The following XRCC3 variants were observed in gnomAD, a reference collection of about 807,000 sequenced individuals.
The protein encoded by XRCC3 is DNA repair protein XRCC3.
In XRCC3, 34 loss-of-function variants were observed where a neutral mutation model predicts 29.2. The ratio of observed to expected loss-of-function variants is 1.16; its 90% CI spans 0.88 to 1.55. The LOEUF (loss-of-function observed/expected upper bound fraction) is 1.55. XRCC3 is among the 40% of genes most tolerant of loss of function. The pLI, the probability that XRCC3 is intolerant of heterozygous loss-of-function variation, is 0.00. For synonymous variants in XRCC3, 223 were observed against 211.3 expected (o/e 1.06, Z -0.48); for missense variants, 463 against 467.6 (o/e 0.99, Z 0.09).
rs542685042 is a variant in XRCC3, at chr14:103,711,425, G to A, written c.-159+41C>T. 1.3e-5 allele frequency: 7 copies of A among 539,096 alleles called. No individual in the cohort carries two copies. In the East Asian group the frequency reaches 3.3e-4, roughly 25 times the overall value. 33.4% of individuals were successfully genotyped at this position (539,096 alleles called of 1,614,324 possible). On this transcript the variant is annotated intron_variant, in intron 3 of 9. Coordinates refer to ENST00000555055, the MANE Select transcript of XRCC3 (RefSeq NM_005432.4). ...CTCCTGTGGAAAGTGCTAGAAATAAGACCATCCTCCTGCAGCAGTTGAGTG... is the reference window on the plus strand; with the variant it reads ...CTCCTGTGGAAAGTGCTAGAAATAAAACCATCCTCCTGCAGCAGTTGAGTG...
chr14:103,711,502 C>G lies in XRCC3; in HGVS notation c.-195G>C. On this transcript the variant is annotated 5_prime_UTR_variant, in exon 3 of 10. Transcript: ENST00000555055. ...TTGGGGATGACCCGCGTGTTTTTGG[C>G]TGACTTGACTGAGGCATCTCTTGCA... 1 of 468,558 alleles carries G rather than the reference C, an allele frequency of 2.1e-6. No homozygotes were observed. Among genetic ancestry groups the G allele is most frequent in the South Asian group, 1.5e-5 (1 of 64,694 alleles). The allele number at this position is 468,558 out of a possible 1,614,324, so 29.0% of individuals were successfully genotyped here. A position where few individuals can be genotyped will look rare whatever the true frequency, so the allele number is the denominator to read the frequency against.
At chr14:103,709,684 G>A (rs1466364837) in intron 4 of XRCC3, 24 of 152,270 alleles carry the variant, frequency 1.6e-4, no homozygotes. Flanking sequence ...GACTCACCGG[G>A]ATCGGGGCTG....
rs376831498 is a variant in XRCC3 at position 103,699,460 on chromosome 14, C to T, written c.678G>A (p.Gln226=). The stretch of plus-strand genomic sequence containing the variant: ...GATGCCTGGCCCTGGGGGCGGAGGC[C>T]TGGCTGTCAAATTCACAGCGGAATG... ...AAPFRCEFDS[Q]ASAPRARHLQ... The change falls in exon 8 of 10, where the codon CAG becomes CAA. Residue 226 remains glutamine, a synonymous_variant. Coordinates refer to ENST00000555055, the MANE Select transcript of XRCC3 (RefSeq NM_005432.4). 6 of 1,612,950 alleles carry T rather than the reference C, an allele frequency of 3.7e-6. No individual in the cohort carries two copies. The highest frequency in any genetic ancestry group is 3.4e-6 in the Non-Finnish European group (4 of 1,179,974).
chr14:103,709,901 G>C lies in XRCC3; in HGVS notation c.55+1132C>G, dbSNP rs577452335. The C allele has an allele frequency of 2.6e-5, 4 of 152,380 alleles. No homozygotes were observed. In the South Asian group the frequency reaches 8.3e-4, roughly 32 times the overall value. The allele number at this position is 152,380 out of a possible 1,614,324, so 9.4% of individuals were successfully genotyped here. A position where few individuals can be genotyped will look rare whatever the true frequency, so the allele number is the denominator to read the frequency against. On this transcript the variant is annotated intron_variant, in intron 4 of 9. Coordinates refer to ENST00000555055, the MANE Select transcript of XRCC3 (RefSeq NM_005432.4). ...TGTGATCACAAGGCCACCAACAGGA[G>C]GATAAAAACCAACAGCCAAGGATGG...
chr14:103,701,053 C>A, intron 7 of XRCC3: 1 of 971,934 alleles, frequency 1.0e-6, no homozygotes. Flanking sequence ...CATGACCCCT[C>A]GGCCCCAGGG....
chr14:103,706,241 CGCT>C (rs1555428530), intron 6 of XRCC3: 10 of 445,446 alleles, frequency 2.2e-5, no homozygotes, highest in Non-Finnish European at 4.5e-6. Context: ...CCAGCCACAC[CGCT>C]GCTGGCAGGT....
At chr14:103,704,551 G>C (rs956913429) in intron 6 of XRCC3, 1 of 152,138 alleles carries the variant, frequency 6.6e-6, no homozygotes, top group Non-Finnish European at 1.5e-5. Context: ...GGATTACAAG[G>C]CGTGCGCTAC....
chr14:103,710,814 TA>T (rs1426951147), intron 4 of XRCC3: 1 of 574,798 alleles, frequency 1.7e-6, no homozygotes, highest in Non-Finnish European at 3.1e-6. Flanking sequence ...ATTACTTTGA[TA>T]AAAATAAAAG....
intron 2 of XRCC3, chr14:103,712,346 A>C (rs1002604377): frequency 6.5e-6 from 1 of 154,482 alleles, no homozygotes; most frequent in Non-Finnish European, 1.4e-5. Flanking sequence ...GCGCAGGCCA[A>C]GGCAGGGCGG....
intron 4 of XRCC3, chr14:103,710,721 G>A: frequency 3.0e-6 from 1 of 334,568 alleles, no homozygotes; most frequent in Non-Finnish European, 5.6e-6. Context: ...AAGCCTGGGT[G>A]ACAGAGCGAG....
At chr14:103,710,685 T>C (rs1199812236) in intron 4 of XRCC3, 2 of 257,808 alleles carry the variant, frequency 7.8e-6, no homozygotes, top group Non-Finnish European at 1.5e-5. Flanking sequence ...GAGCTTGCAC[T>C]GAGCTGAGAT....
intron 1 of XRCC3, among the ~76,000 whole-genome samples, chr14:103,714,421 A>G (rs968887682): frequency 1.3e-5 from 2 of 149,398 alleles, no homozygotes; most frequent in Non-Finnish European, 3.0e-5. Context: ...TGAGCCCAGG[A>G]GTTCAAGACC....
intron 7 of XRCC3, chr14:103,701,634 GGAGGCC>G (rs894270786): frequency 1.3e-5 from 2 of 157,448 alleles, no homozygotes; most frequent in African/African-American, 4.8e-5. Context: ...CAGCACTTTG[GGAGGCC>G]GAGGTGGGCG....
At chr14:103,703,077 C>T in intron 7 of XRCC3, 96 bp downstream of exon 7, 1 of 1,520,252 alleles carries the variant, frequency 6.6e-7, no homozygotes, top group East Asian at 2.5e-5. Flanking sequence ...CTCTCCCTGC[C>T]CTGCTGTGAG....
At chr14:103,701,385 G>GCTGGGC (rs1238255457) in intron 7 of XRCC3, 1 of 608,722 alleles carries the variant, frequency 1.6e-6, no homozygotes, top group Non-Finnish European at 2.7e-6. Context: ...TGGGGCTGGG[G>GCTGGGC]CTGGGCCTAA....
intron 9 of XRCC3, 29 bp from the exon 10 acceptor site, chr14:103,699,046 G>C (rs56225499): frequency 6.4e-7 from 1 of 1,567,542 alleles, no homozygotes; most frequent in Non-Finnish European, 8.7e-7. Flanking sequence ...GCAAGCTGGC[G>C]CTCAGGCTTG....
intron 5 of XRCC3, chr14:103,707,612 G>A (rs997133186): frequency 5.8e-6 from 2 of 342,946 alleles, no homozygotes; most frequent in South Asian, 2.7e-5. Context: ...CGGCTTTAAT[G>A]GGCTCCCGCA....
chr14:103,703,096 G>A (rs2083291073), intron 7 of XRCC3, 77 bp downstream of exon 7: 2 of 1,535,564 alleles, frequency 1.3e-6, no homozygotes, highest in Middle Eastern at 1.7e-4. Context: ...AGACCCCATT[G>A]CCGTGGTGGC....
chr14:103,703,477 C>G, intron 6 of XRCC3, 150 bp from the exon 7 acceptor site: 1 of 942,646 alleles, frequency 1.1e-6, no homozygotes, highest in Admixed American at 2.1e-5. Flanking sequence ...GAGGCTGGTG[C>G]TTTTTCTCAC....
Sources: gnomAD v4.1 joint callset for allele counts (sites outside exome capture counted in the v4.1 genomes callset) on GRCh38, gnomAD v4.1.1 for gene constraint, MANE v1.5 for transcripts, NCBI Gene and HGNC (gene_info 2026-07-23, HGNC 2026-07-21) for gene names.